The following RAPGEF1 variants were observed in gnomAD, a reference collection of about 807,000 sequenced individuals.
RAPGEF1 encodes Rap guanine nucleotide exchange factor 1.
A neutral mutation model predicts 143.3 loss-of-function variants in RAPGEF1; 33 were observed. That is an observed-to-expected ratio of 0.23 (90% CI 0.17 to 0.31). RAPGEF1 has a LOEUF of 0.31. RAPGEF1 is among the 10% of genes least tolerant of loss of function. The probability of loss-of-function intolerance (pLI) is 1.00; values close to 1 mark genes in which losing one functional copy is unlikely to be tolerated. For synonymous variants in RAPGEF1, 629 were observed against 676.5 expected, an observed-to-expected ratio of 0.93 and a Z score of 1.09; for missense variants, 1,199 against 1,645.4, an observed-to-expected ratio of 0.73 and a Z score of 4.69.
chr9:131,642,495 G>T (rs1968294133), intron 4 of RAPGEF1, among the ~76,000 whole-genome samples: 2 of 152,236 alleles, frequency 1.3e-5, no homozygotes, highest in African/African-American at 4.8e-5. Flanking sequence ...ATTTGCCTGA[G>T]AACTTAAAGC....
chr9:131,645,273 A>G (rs1379819485), intron 3 of RAPGEF1, among the ~76,000 whole-genome samples: 16 of 152,240 alleles, frequency 1.1e-4, no homozygotes, highest in Admixed American at 1.0e-3. Flanking sequence ...CTATGACAGT[A>G]ACACTGCCAC....
intron 1 of RAPGEF1, among the ~76,000 whole-genome samples, chr9:131,665,768 A>C (rs146684966): frequency 6.6e-6 from 1 of 152,234 alleles, no homozygotes; most frequent in African/African-American, 2.4e-5. Flanking sequence ...TGTTGGTCTA[A>C]TCCTGGGACT....
intron 4 of RAPGEF1, 102 bp from the exon 5 acceptor site, chr9:131,638,893 CT>C: frequency 1.6e-6 from 2 of 1,255,342 alleles, no homozygotes; most frequent in Non-Finnish European, 2.2e-6. Context: ...CTCCAACTTT[CT>C]TTGTGCAAAA....
At chr9:131,603,864 C>T in intron 14 of RAPGEF1, 97 bp downstream of exon 14, 1 of 690,180 alleles carries the variant, frequency 1.4e-6, no homozygotes, top group Non-Finnish European at 2.1e-6. Context: ...GGGGCTCAGC[C>T]CAACAGAAGC....
Position 131,579,312 on chromosome 9 carries a change from CA to C in RAPGEF1, c.*184del. 1.3e-6 allele frequency: 1 copy of C among 782,010 alleles called. No homozygotes were observed. The highest frequency in any genetic ancestry group is 2.0e-6 in the Non-Finnish European group (1 of 489,304). 48.4% of individuals were successfully genotyped at this position (782,010 alleles called of 1,614,324 possible). ...CCTGAGGCCCACGGGTCTGCTCCCA[CA>C]GAGGAAGGAGGCAGGAAGCGGCTGG... is the stretch of plus-strand genomic sequence containing the variant. On this transcript the variant is annotated 3_prime_UTR_variant, in exon 27 of 27. Transcript: ENST00000683357.
At position 131,584,280 on chromosome 9, in the gene RAPGEF1, A is replaced by C. The variant is rs746686133; in HGVS notation, c.3414+31T>G. The C allele has an allele frequency of 2.2e-5, 35 of 1,559,262 alleles. No individual in the cohort carries two copies. The highest frequency in any genetic ancestry group is 3.1e-5 in the Non-Finnish European group (35 of 1,143,932). ...GGCTGGGCGGCCCCCCTTACCAGCC[A>C]CCCTCCCGCCCACGCCCCAAGGCCA... On this transcript the variant is annotated intron_variant, in intron 24 of 26. Transcript: ENST00000683357. This position sits in a 1 kb window ranked among gnomAD's most constrained non-coding sequence, Gnocchi z 6.8.
intron 1 of RAPGEF1, among the ~76,000 whole-genome samples, chr9:131,676,571 C>CCTG (rs1832395850): frequency 6.6e-6 from 1 of 152,218 alleles, no homozygotes; most frequent in African/African-American, 2.4e-5. Flanking sequence ...AACGACACCT[C>CCTG]CTGTCCTCTT....
At chr9:131,719,214 G>A (rs1024481903) in intron 1 of RAPGEF1, among the ~76,000 whole-genome samples, 1 of 152,136 alleles carries the variant, frequency 6.6e-6, no homozygotes, top group South Asian at 2.1e-4. Context: ...AAATTAATCA[G>A]CTAATATCCC....
At chr9:131,605,388 C>T (rs929351719) in intron 12 of RAPGEF1, among the ~76,000 whole-genome samples, 200 bp from the exon 13 acceptor site, 2 of 152,166 alleles carry the variant, frequency 1.3e-5, no homozygotes, top group Non-Finnish European at 2.9e-5. Flanking sequence ...GAGAAGGGCC[C>T]TGAGACTGGA....
chr9:131,592,515 C>T (rs4740291), intron 17 of RAPGEF1, among the ~76,000 whole-genome samples: 2 of 152,062 alleles, frequency 1.3e-5, no homozygotes, highest in African/African-American at 4.8e-5. Context: ...CTGGTCCCAG[C>T]GGAAAAGGGC....
Position 131,638,629 on chromosome 9 carries a change from C to G in RAPGEF1, c.651+6G>C, listed in dbSNP as rs375357567. ...GACTGGGACTGTCTGGAACCTGCAC[C>G]GGTACCTTCACTCCATCCAGCACAG... On this transcript the variant is annotated splice_donor_region_variant and intron_variant, in intron 5 of 26. Coordinates refer to ENST00000683357, the MANE Select transcript of RAPGEF1 (RefSeq NM_001377935.1). 1 of 1,613,744 alleles carries G rather than the reference C, an allele frequency of 6.2e-7. No individual in the cohort carries two copies. Among genetic ancestry groups the G allele is most frequent in the Non-Finnish European group, 8.5e-7 (1 of 1,179,810 alleles).
At chr9:131,684,581 T>C (rs1564164407) in intron 1 of RAPGEF1, among the ~76,000 whole-genome samples, 1 of 152,210 alleles carries the variant, frequency 6.6e-6, no homozygotes, top group Non-Finnish European at 1.5e-5. Context: ...TCTAGCATTA[T>C]TAACTTTAAA....
chr9:131,717,943 G>C (rs1564198563), intron 1 of RAPGEF1, among the ~76,000 whole-genome samples: 1 of 152,064 alleles, frequency 6.6e-6, no homozygotes, highest in Non-Finnish European at 1.5e-5. Flanking sequence ...ACAGGAAGAG[G>C]AACTCATGTT....
At chr9:131,607,755 C>A (rs1383804540) in intron 12 of RAPGEF1, among the ~76,000 whole-genome samples, 1 of 152,202 alleles carries the variant, frequency 6.6e-6, no homozygotes, top group Non-Finnish European at 1.5e-5. Flanking sequence ...TTTAAGGAGT[C>A]ATGTTCCGCG....
intron 1 of RAPGEF1, among the ~76,000 whole-genome samples, chr9:131,720,184 C>G (rs769012808): frequency 6.6e-6 from 1 of 152,186 alleles, no homozygotes; most frequent in Non-Finnish European, 1.5e-5. Context: ...CCGTGCCCAG[C>G]CTTGGGCCTC....
chr9:131,598,619 G>A (rs778940579), intron 15 of RAPGEF1: 5 of 505,838 alleles, frequency 9.9e-6, no homozygotes, highest in African/African-American at 1.9e-5. Flanking sequence ...CCACCGCACA[G>A]TTAGCATTTA....
chr9:131,675,061 T>C lies in RAPGEF1; in HGVS notation c.62-24112A>G, dbSNP rs1235335520. On this transcript the variant is annotated intron_variant, in intron 1 of 26. Transcript: ENST00000683357. The surrounding 1 kb of genome is among the most constrained non-coding windows in gnomAD (Gnocchi z 4.6). Reference sequence around the variant, plus strand: ...GGAGGGAGCAGAGAGAAGGCGAGCGTCATAGCCCTTTCCACAGAGGGTGGT... The same window carrying C: ...GGAGGGAGCAGAGAGAAGGCGAGCGCCATAGCCCTTTCCACAGAGGGTGGT... 6.6e-6 allele frequency among the ~76,000 whole-genome samples: 1 copy of C among 151,862 alleles called. No homozygotes were observed. Among genetic ancestry groups the C allele is most frequent in the Admixed American group, 6.6e-5 (1 of 15,236 alleles).
intron 1 of RAPGEF1, among the ~76,000 whole-genome samples, chr9:131,730,997 A>T (rs555020315): frequency 1.3e-5 from 2 of 152,290 alleles, no homozygotes; most frequent in South Asian, 4.1e-4. Context: ...CACCCAAGTC[A>T]CACAGCCAAG....
chr9:131,649,198 A>C (rs1409771782), intron 3 of RAPGEF1, among the ~76,000 whole-genome samples: 3 of 116,752 alleles, frequency 2.6e-5, no homozygotes, highest in Non-Finnish European at 5.1e-5. Context: ...ATGCCTGGCT[A>C]AATTTTTTTT....
Sources: allele counts gnomAD v4.1 joint callset (sites outside exome capture counted in the v4.1 genomes callset), GRCh38; gene constraint gnomAD v4.1.1; non-coding constraint Gnocchi (gnomAD v3.1); transcripts MANE v1.5; gene names NCBI Gene and HGNC (gene_info 2026-07-23, HGNC 2026-07-21).